EEA1: variants seen among roughly 807,000 people sequenced by gnomAD.
EEA1 encodes early endosome antigen 1.
In EEA1, 111 loss-of-function variants were observed where a neutral mutation model predicts 209.2. The ratio of observed to expected loss-of-function variants is 0.53; its 90% confidence interval spans 0.45 to 0.62. The LOEUF (loss-of-function observed/expected upper bound fraction) is 0.62, where lower values mean the gene tolerates loss of function less well. Ranked by LOEUF, EEA1 falls within the 20% of genes least tolerant of loss-of-function variation. The pLI is 0.00. For missense variants in EEA1, 1,343 were observed against 1,530.8 expected (o/e 0.88, Z 2.05); for synonymous variants, 536 against 540.6 (o/e 0.99, Z 0.12).
intron 21 of EEA1, among the ~76,000 whole-genome samples, chr12:92,794,405 G>A (rs969503919): frequency 3.3e-5 from 5 of 151,952 alleles, no homozygotes; most frequent in East Asian, 1.9e-4. Flanking sequence ...ATTATAAATC[G>A]TGCTACTATA....
In EEA1 at chr12:92,911,720, A is replaced by G. The variant is rs146139246; in HGVS notation, c.24+17323T>C. 4.1e-4 allele frequency among the ~76,000 whole-genome samples: 62 copies of G among 152,354 alleles called. No individual in the cohort carries two copies. In the East Asian group the frequency reaches 0.011, roughly 26 times the overall value. On this transcript the variant is annotated intron_variant, in intron 1 of 28. Transcript: ENST00000322349. ...GGGAATGTTGATAATGGGGGAGTCT[A>G]TGCATGTGTAGGGGCAGGAAGTACA...
chr12:92,922,780 C>T (rs1670853834), intron 1 of EEA1, among the ~76,000 whole-genome samples: 1 of 151,562 alleles, frequency 6.6e-6, no homozygotes, highest in South Asian at 2.1e-4. Context: ...TAGTGAAACC[C>T]CATCTCTACT....
chr12:92,903,227 G>A (rs544226903), intron 1 of EEA1, among the ~76,000 whole-genome samples: 129 of 151,168 alleles, frequency 8.5e-4, no homozygotes, highest in African/African-American at 2.8e-3. Context: ...ATGAGCCACC[G>A]CGCCCGGCCT....
intron 14 of EEA1, among the ~76,000 whole-genome samples, chr12:92,817,197 C>G (rs1875837154): frequency 6.8e-6 from 1 of 147,664 alleles, no homozygotes; most frequent in Non-Finnish European, 1.5e-5. Flanking sequence ...TGTTTTTTTC[C>G]CCATCCTTTT....
intron 18 of EEA1, among the ~76,000 whole-genome samples, 166 bp from the exon 19 acceptor site, chr12:92,802,900 G>C (rs1276459809): frequency 6.6e-6 from 1 of 151,924 alleles, no homozygotes; most frequent in Non-Finnish European, 1.5e-5. Flanking sequence ...AAATACTTTA[G>C]AACATCTCAT....
In EEA1 at chr12:92,798,886, C is replaced by A; in HGVS notation, c.2967+6G>T. The A allele has an allele frequency of 6.4e-7, 1 of 1,569,014 alleles. No individual in the cohort carries two copies. The highest frequency in any genetic ancestry group is 1.2e-5 in the South Asian group (1 of 82,126). Reference sequence around the variant, plus strand: ...TCCTATAAAAAGTAAACAAATATATCACTACCTTCTGTAAAACAGCAATTT... The same window carrying A: ...TCCTATAAAAAGTAAACAAATATATAACTACCTTCTGTAAAACAGCAATTT... On this transcript the variant is annotated splice_donor_region_variant and intron_variant, in intron 21 of 28. Coordinates refer to ENST00000322349, the MANE Select transcript of EEA1 (RefSeq NM_003566.4).
chr12:92,923,833 C>G (rs1290746125), intron 1 of EEA1, among the ~76,000 whole-genome samples: 1 of 137,260 alleles, frequency 7.3e-6, no homozygotes, highest in African/African-American at 2.8e-5. Flanking sequence ...AAGTCCTCAT[C>G]TACCTCATCT....
At chr12:92,886,708 A>G (rs1363823183) in intron 2 of EEA1, among the ~76,000 whole-genome samples, 2 of 151,882 alleles carry the variant, frequency 1.3e-5, no homozygotes, top group Non-Finnish European at 2.9e-5. Context: ...AGGAAAAAAG[A>G]AAAAGAAAAG....
At chr12:92,858,484 AG>A in intron 3 of EEA1, 1 of 1,025,004 alleles carries the variant, frequency 9.8e-7, no homozygotes, top group Non-Finnish European at 1.5e-6. Flanking sequence ...GTTGGAGACC[AG>A]GGCTTGATGT....
chr12:92,888,370 G>C (rs1879500918), intron 2 of EEA1, among the ~76,000 whole-genome samples: 1 of 152,062 alleles, frequency 6.6e-6, no homozygotes, highest in Non-Finnish European at 1.5e-5. Flanking sequence ...CACAAGGTCA[G>C]GAGATCAAGA....
At chr12:92,828,091 CAT>C (rs1491400094) in intron 11 of EEA1, 30 bp from the exon 12 acceptor site, 2 of 1,514,370 alleles carry the variant, frequency 1.3e-6, no homozygotes, top group South Asian at 2.7e-5. Context: ...AATGTATGTA[CAT>C]ATGTACAAAC....
chr12:92,777,482 G>A, intron 27 of EEA1, 61 bp downstream of exon 27: 1 of 1,513,554 alleles, frequency 6.6e-7, no homozygotes, highest in Non-Finnish European at 8.9e-7. Flanking sequence ...GTAAAAATAT[G>A]CTTTTCACTA....
chr12:92,888,361 A>G (rs1879500672), intron 2 of EEA1, among the ~76,000 whole-genome samples: 1 of 152,198 alleles, frequency 6.6e-6, no homozygotes, highest in African/African-American at 2.4e-5. Flanking sequence ...CAAGTGGACC[A>G]CAAGGTCAGG....
chr12:92,852,765 C>A, intron 7 of EEA1, 147 bp downstream of exon 7: 4 of 520,514 alleles, frequency 7.7e-6, no homozygotes, highest in Non-Finnish European at 9.8e-6. Context: ...CATAGCAACT[C>A]TGAAATCATT....
At chr12:92,807,749 A>T (rs549094019) in intron 18 of EEA1, among the ~76,000 whole-genome samples, 1 of 152,286 alleles carries the variant, frequency 6.6e-6, no homozygotes, top group South Asian at 2.1e-4. Flanking sequence ...AAAAACCATA[A>T]AATACTGCTC....
chr12:92,907,227 A>C (rs1880418575), intron 1 of EEA1, among the ~76,000 whole-genome samples: 1 of 152,212 alleles, frequency 6.6e-6, no homozygotes, highest in South Asian at 2.1e-4. Flanking sequence ...ACCATTGCTG[A>C]AAATAATAAA....
chr12:92,884,867 G>A (rs527958823), intron 2 of EEA1, among the ~76,000 whole-genome samples: 1 of 152,114 alleles, frequency 6.6e-6, no homozygotes, highest in East Asian at 1.9e-4. Flanking sequence ...CAAAAAACTC[G>A]AGGACTGTAT....
chr12:92,923,542 C>T (rs1881093861), intron 1 of EEA1, among the ~76,000 whole-genome samples: 1 of 152,120 alleles, frequency 6.6e-6, no homozygotes, highest in Non-Finnish European at 1.5e-5. Flanking sequence ...CTTTTTCCCT[C>T]CTTGCCTGAG....
intron 2 of EEA1, among the ~76,000 whole-genome samples, chr12:92,881,345 G>A (rs570510758): frequency 1.4e-4 from 22 of 152,158 alleles, no homozygotes; most frequent in South Asian, 2.1e-4. Flanking sequence ...ACTTGAGCCC[G>A]GGAGATCGAG....
Sources: gnomAD v4.1 joint callset for allele counts (sites outside exome capture counted in the v4.1 genomes callset) on GRCh38, gnomAD v4.1.1 for gene constraint, MANE v1.5 for transcripts, NCBI Gene and HGNC (gene_info 2026-07-23, HGNC 2026-07-21) for gene names.